Variants in CACNA1B observed in about 807,000 individuals in gnomAD.
CACNA1B encodes the protein calcium voltage-gated channel subunit alpha1 B.
A neutral mutation model predicts 247.2 loss-of-function variants in CACNA1B; 70 were observed. That is an observed-to-expected ratio of 0.28 (90% CI 0.23 to 0.35). The LOEUF is 0.35. CACNA1B is among the 10% of genes least tolerant of loss of function. CACNA1B has a pLI of 1.00. For synonymous variants in CACNA1B, 1,231 were observed against 1,294.4 expected, an observed-to-expected ratio of 0.95 and a Z score of 1.05; for missense variants, 2,367 against 3,197.4, an observed-to-expected ratio of 0.74 and a Z score of 6.26.
At position 137,955,747 on chromosome 9, in the gene CACNA1B, A is replaced by C; in HGVS notation, c.1120A>C (p.Lys374Gln). The change falls in exon 8 of 47, where the codon AAG becomes CAG. Residue 374 changes from lysine (K) to glutamine (Q), a missense_variant. Around this residue, in one of 12 missense-constraint regions of CACNA1B, gnomAD observed 219 missense variants for 297.6 expected, o/e 0.74. Transcript: ENST00000371372. This position sits in a 1 kb window ranked among gnomAD's most constrained non-coding sequence, Gnocchi z 6.9. ...ERVENRRAFL[K>Q]LRRQQQIERE... is the part of the protein sequence containing the mutation. ...GGTGGAGAACCGCCGCGCCTTCCTG[A>C]AGCTGCGCCGGCAGCAGCAGATCGA... 1 of 1,613,242 alleles carries C rather than the reference A, an allele frequency of 6.2e-7. No homozygotes were observed. The highest frequency in any genetic ancestry group is 8.5e-7 in the Non-Finnish European group (1 of 1,179,622).
intron 44 of CACNA1B, 50 bp from the exon 45 acceptor site, chr9:138,120,115 C>A: frequency 6.8e-7 from 1 of 1,476,820 alleles, no homozygotes; most frequent in Non-Finnish European, 9.2e-7. Context: ...CCTGCATTCC[C>A]GCTGACCCTG....
intron 15 of CACNA1B, among the ~76,000 whole-genome samples, chr9:137,989,984 C>A (rs1027792911): frequency 6.6e-6 from 1 of 152,180 alleles, no homozygotes; most frequent in Admixed American, 6.5e-5. Flanking sequence ...ACAGACAGAA[C>A]AGCGTCTGGA....
rs962961203 is a variant in CACNA1B, at chr9:137,939,643, C to CA, written c.967-12621dup. ...TGAAACCCCGTCTCTACCAAAAATA[C>CA]AAAAAAAAAATTAGCTGGGCATGGT... On this transcript the variant is annotated intron_variant, in intron 6 of 46. Coordinates refer to ENST00000371372, the MANE Select transcript of CACNA1B (RefSeq NM_000718.4). 7.8e-4 allele frequency among the ~76,000 whole-genome samples: 114 copies of CA among 146,304 alleles called. 2 individuals are homozygous for CA. Among genetic ancestry groups the CA allele is most frequent in the Middle Eastern group, 7.0e-3 (2 of 286 alleles).
In CACNA1B at chr9:137,882,705, T is replaced by C. The variant is rs201191430; in HGVS notation, c.391-39T>C. Reference sequence around the variant, plus strand: ...CGTCTCTGCCCGCTACTACACCGGGTAGGGGCCAGGGGTGACCACTGTTCT... The same window carrying C: ...CGTCTCTGCCCGCTACTACACCGGGCAGGGGCCAGGGGTGACCACTGTTCT... On this transcript the variant is annotated intron_variant, in intron 2 of 46. Transcript: ENST00000371372. This position sits in a 1 kb window ranked among gnomAD's most constrained non-coding sequence, Gnocchi z 4.0. 4 of 1,611,984 alleles carry C rather than the reference T, an allele frequency of 2.5e-6. No individual in the cohort carries two copies. Among genetic ancestry groups the C allele is most frequent in the Non-Finnish European group, 3.4e-6 (4 of 1,178,500 alleles).
chr9:138,019,745 T>C (rs2133431386), intron 18 of CACNA1B, among the ~76,000 whole-genome samples: 1 of 152,166 alleles, frequency 6.6e-6, no homozygotes, highest in Non-Finnish European at 1.5e-5. Flanking sequence ...CACTGATGTC[T>C]CCTGGGGCAA....
chr9:138,038,679 G>A (rs796577032), intron 20 of CACNA1B, among the ~76,000 whole-genome samples: 12 of 152,288 alleles, frequency 7.9e-5, no homozygotes, highest in African/African-American at 2.9e-4. Flanking sequence ...TGCAGGACCT[G>A]GTCTGAAGTG....
intron 3 of CACNA1B, among the ~76,000 whole-genome samples, chr9:137,911,806 C>T (rs780576639): frequency 3.3e-5 from 5 of 152,176 alleles, no homozygotes; most frequent in Non-Finnish European, 5.9e-5. Context: ...ACAAAGCCTT[C>T]GCCAAGAACC....
chr9:137,932,709 A>G (rs919289707), intron 6 of CACNA1B, among the ~76,000 whole-genome samples: 11 of 152,184 alleles, frequency 7.2e-5, no homozygotes, highest in Non-Finnish European at 1.3e-4. Context: ...CATTCTTCAC[A>G]AGGGAAACCG....
chr9:138,024,393 A>G (rs888377979), intron 19 of CACNA1B, among the ~76,000 whole-genome samples: 1 of 152,202 alleles, frequency 6.6e-6, no homozygotes, highest in African/African-American at 2.4e-5. Flanking sequence ...CACTGGCCAC[A>G]AACCAACCAG....
intron 6 of CACNA1B, among the ~76,000 whole-genome samples, chr9:137,930,841 T>C (rs1957599422): frequency 6.6e-6 from 1 of 152,222 alleles, no homozygotes; most frequent in Non-Finnish European, 1.5e-5. Context: ...TATACATGTT[T>C]CCCTGTGTCT....
In CACNA1B at chr9:138,050,117, C is replaced by T. The variant is rs1439483776; in HGVS notation, c.3710+802C>T. Reference sequence around the variant, plus strand: ...GCCTTCTCTCCCCCACACGCTGCCCCTGACATCACAGCATTCCAGCAGCCC... The same window carrying T: ...GCCTTCTCTCCCCCACACGCTGCCCTTGACATCACAGCATTCCAGCAGCCC... On this transcript the variant is annotated intron_variant, in intron 24 of 46. Coordinates refer to ENST00000371372, the MANE Select transcript of CACNA1B (RefSeq NM_000718.4). This position sits in a 1 kb window ranked among gnomAD's most constrained non-coding sequence, Gnocchi z 5.2. The T allele has an allele frequency of 2.3e-6, 3 of 1,285,154 alleles. No homozygotes were observed. The Admixed American group carries it at 6.9e-5, about 29-fold the overall frequency. 79.6% of individuals were successfully genotyped at this position (1,285,154 alleles called of 1,614,324 possible).
At chr9:138,068,481 C>A in intron 31 of CACNA1B, 1 of 441,022 alleles carries the variant, frequency 2.3e-6, no homozygotes, top group Non-Finnish European at 4.6e-6. Context: ...GTCCCCCTAG[C>A]ACTGGTGTTG....
At chr9:138,022,808 G>GA (rs1491230913) in intron 18 of CACNA1B, among the ~76,000 whole-genome samples, 2 of 69,570 alleles carry the variant, frequency 2.9e-5, no homozygotes, top group Non-Finnish European at 4.7e-5. Flanking sequence ...GACACCGTGG[G>GA]GGGGGGGGGC....
At chr9:137,905,049 G>A (rs768905375) in intron 3 of CACNA1B, among the ~76,000 whole-genome samples, 8 of 152,186 alleles carry the variant, frequency 5.3e-5, no homozygotes, top group South Asian at 4.2e-4. Context: ...ATCCAAAAAC[G>A]TTGGGTTTTT....
In CACNA1B at chr9:137,971,763, G is replaced by A. The variant is rs1014845830; in HGVS notation, c.1543+171G>A. On this transcript the variant is annotated intron_variant, in intron 11 of 46. Coordinates refer to ENST00000371372, the MANE Select transcript of CACNA1B (RefSeq NM_000718.4). The surrounding 1 kb of genome is among the most constrained non-coding windows in gnomAD (Gnocchi z 4.4). Reference sequence around the variant, plus strand: ...CCAGGAGCCTCTGTGGGGGCCTGGGGTGTGTCCAGAGCTGGAGGGTGGCCT... The same window carrying A: ...CCAGGAGCCTCTGTGGGGGCCTGGGATGTGTCCAGAGCTGGAGGGTGGCCT... 1.3e-5 allele frequency among the ~76,000 whole-genome samples: 2 copies of A among 152,162 alleles called. No individual in the cohort carries two copies. The highest frequency in any genetic ancestry group is 4.1e-4 in the South Asian group (2 of 4,822).
chr9:137,994,819 T>G (rs567508266), intron 15 of CACNA1B, among the ~76,000 whole-genome samples: 18 of 152,098 alleles, frequency 1.2e-4, no homozygotes, highest in Non-Finnish European at 2.1e-4. Context: ...GCAATTCCCA[T>G]CAAAATACCA....
At chr9:138,036,081 G>A (rs547440116) in intron 20 of CACNA1B, among the ~76,000 whole-genome samples, 18 of 151,308 alleles carry the variant, frequency 1.2e-4, no homozygotes, top group African/African-American at 4.1e-4. Context: ...CTTATATTTC[G>A]GATCATCCAT....
intron 3 of CACNA1B, among the ~76,000 whole-genome samples, chr9:137,905,735 A>G (rs1714065743): frequency 6.6e-6 from 1 of 152,254 alleles, no homozygotes; most frequent in Non-Finnish European, 1.5e-5. Flanking sequence ...ATTCTTCATC[A>G]TAACTCAAAA....
chr9:138,081,846 C>T (rs760586400), intron 36 of CACNA1B, among the ~76,000 whole-genome samples: 6 of 150,886 alleles, frequency 4.0e-5, no homozygotes, highest in Non-Finnish European at 5.9e-5. Context: ...AGACCTGTAA[C>T]GAGTAAGAAG....
Sources: allele counts gnomAD v4.1 joint callset (sites outside exome capture counted in the v4.1 genomes callset), GRCh38; gene constraint gnomAD v4.1.1; regional missense constraint gnomAD v4.1.1; non-coding constraint Gnocchi (gnomAD v3.1); transcripts MANE v1.5; gene names NCBI Gene and HGNC (gene_info 2026-07-23, HGNC 2026-07-21).